The following KIF26B variants were observed in gnomAD, a reference collection of about 807,000 sequenced individuals.
The protein encoded by KIF26B is kinesin-like protein KIF26B.
Under a neutral mutation model 151.2 loss-of-function variants are expected in KIF26B, and 63 were observed. The ratio of observed to expected loss-of-function variants is 0.42; its 90% confidence interval spans 0.34 to 0.51. The LOEUF (loss-of-function observed/expected upper bound fraction) is 0.51. Among genes scored for constraint, KIF26B ranks in the 20% least tolerant of loss-of-function variants. The pLI, the probability that KIF26B is intolerant of heterozygous loss-of-function variation, is 0.07. For synonymous variants in KIF26B, 1,357 were observed against 1,262.1 expected (o/e 1.08, Z -1.59); for missense variants, 2,813 against 2,913.6 (o/e 0.97, Z 0.79).
intron 5 of KIF26B, among the ~76,000 whole-genome samples, chr1:245,585,019 T>C (rs1295881326): frequency 6.6e-6 from 1 of 152,226 alleles, no homozygotes; most frequent in African/African-American, 2.4e-5. Context: ...TTGCAATAGA[T>C]TTTGAGGGAA....
chr1:245,663,386 GATC>G (rs58671150), intron 10 of KIF26B, among the ~76,000 whole-genome samples: 89,527 of 149,154 alleles, frequency 0.6, 26,739 homozygotes, highest in Middle Eastern at 0.64. Flanking sequence ...TGTCATTTGT[GATC>G]ATTTTTTTTT....
Position 245,358,800 on chromosome 1 carries a change from A to T in KIF26B, c.466-8034A>T, listed in dbSNP as rs1276275971. Reference sequence around the variant, plus strand: ...AGTGCATTCTAGTATAATCTTGATTAGTGCTTACATGCGTATAGTTCAGCA... The same window carrying T: ...AGTGCATTCTAGTATAATCTTGATTTGTGCTTACATGCGTATAGTTCAGCA... On this transcript the variant is annotated intron_variant, in intron 2 of 14. Coordinates refer to ENST00000407071, the MANE Select transcript of KIF26B (RefSeq NM_018012.4). This position sits in a 1 kb window ranked among gnomAD's most constrained non-coding sequence, Gnocchi z 4.1. 6.6e-6 allele frequency among the ~76,000 whole-genome samples: 1 copy of T among 152,220 alleles called. No individual in the cohort carries two copies. Among genetic ancestry groups the T allele is most frequent in the Non-Finnish European group, 1.5e-5 (1 of 68,048 alleles).
At chr1:245,450,393 A>G (rs945477922) in intron 4 of KIF26B, among the ~76,000 whole-genome samples, 4 of 152,230 alleles carry the variant, frequency 2.6e-5, no homozygotes, top group African/African-American at 4.8e-5. Flanking sequence ...AGGTGGAATG[A>G]ATCATTTCCA....
At chr1:245,533,585 G>A (rs1414809776) in intron 4 of KIF26B, among the ~76,000 whole-genome samples, 1 of 152,022 alleles carries the variant, frequency 6.6e-6, no homozygotes, top group Non-Finnish European at 1.5e-5. Context: ...TCCTGTCTGT[G>A]CCCCAAGGAA....
At chr1:245,420,431 G>A (rs967249899) in intron 4 of KIF26B, among the ~76,000 whole-genome samples, 6 of 152,188 alleles carry the variant, frequency 3.9e-5, no homozygotes, top group East Asian at 1.9e-4. Context: ...TGAGGAAACC[G>A]AGGACCAGGA....
At chr1:245,551,844 C>A (rs572611660) in intron 5 of KIF26B, among the ~76,000 whole-genome samples, 1 of 152,232 alleles carries the variant, frequency 6.6e-6, no homozygotes, top group Non-Finnish European at 1.5e-5. Flanking sequence ...ACCTCCCCAA[C>A]CCCAGGTTAT....
At chr1:245,292,567 C>A (rs998881154) in intron 2 of KIF26B, among the ~76,000 whole-genome samples, 22 of 152,278 alleles carry the variant, frequency 1.4e-4, no homozygotes, top group African/African-American at 4.3e-4. Context: ...TACTATTTTA[C>A]CTTTTCATTG....
chr1:245,679,457 G>GTTTTTTTTTTTTTTTTTTT (rs35663208), intron 10 of KIF26B, among the ~76,000 whole-genome samples: 3 of 59,174 alleles, frequency 5.1e-5, no homozygotes, highest in African/African-American at 1.2e-4. Context: ...TTTTGTGTGT[G>GTTTTTTTTTTTTTTTTTTT]TTTTTTTTTT....
intron 4 of KIF26B, among the ~76,000 whole-genome samples, chr1:245,443,242 C>A (rs984139258): frequency 2.0e-5 from 3 of 151,034 alleles, no homozygotes; most frequent in African/African-American, 7.3e-5. Flanking sequence ...GGTCATCTCC[C>A]TCACTGTTCA....
intron 3 of KIF26B, among the ~76,000 whole-genome samples, chr1:245,406,163 G>A (rs1674130947): frequency 6.6e-6 from 1 of 152,096 alleles, no homozygotes; most frequent in Admixed American, 6.5e-5. Context: ...CATCCTATGT[G>A]CAGTCTCACA....
At chr1:245,282,772 C>T (rs7518921) in intron 2 of KIF26B, 1,858 of 171,904 alleles carry the variant, frequency 0.011, 38 homozygotes, top group African/African-American at 0.042. Flanking sequence ...CTTCTTCCTT[C>T]TCCCTTCTTG....
Position 245,367,164 on chromosome 1 carries a change from A to G in KIF26B, c.796A>G (p.Ser266Gly), listed in dbSNP as rs370730080. ...NYTGFANKHG[S>G]KPSSLGVSNG... The stretch of plus-strand genomic sequence containing the variant: ...CACAGGCTTCGCCAACAAGCACGGC[A>G]GCAAACCCAGCAGCCTTGGGGTCAG... The change falls in exon 3 of 15, where the codon AGC becomes GGC. Residue 266 changes from serine (S) to glycine (G), a missense_variant. Around this residue, in one of 3 missense-constraint regions of KIF26B, gnomAD observed 676 missense variants for 688.1 expected, o/e 0.98. Transcript: ENST00000407071. The surrounding 1 kb of genome is among the most constrained non-coding windows in gnomAD (Gnocchi z 4.2). 1.2e-6 allele frequency: 2 copies of G among 1,605,686 alleles called. No individual in the cohort carries two copies. Among genetic ancestry groups the G allele is most frequent in the Non-Finnish European group, 1.7e-6 (2 of 1,176,212 alleles).
intron 2 of KIF26B, among the ~76,000 whole-genome samples, chr1:245,283,965 C>T (rs763338577): frequency 3.3e-5 from 5 of 152,170 alleles, no homozygotes; most frequent in African/African-American, 9.6e-5. Flanking sequence ...GGATTACAGG[C>T]GTGAGCCGCT....
intron 12 of KIF26B, among the ~76,000 whole-genome samples, chr1:245,696,313 G>A (rs1572212326): frequency 6.6e-6 from 1 of 152,222 alleles, no homozygotes; most frequent in Non-Finnish European, 1.5e-5. Flanking sequence ...AGGCCTGCAT[G>A]GCAATGAACT....
At chr1:245,174,002 C>T (rs888435929) in intron 2 of KIF26B, among the ~76,000 whole-genome samples, 2 of 152,174 alleles carry the variant, frequency 1.3e-5, no homozygotes, top group South Asian at 2.1e-4. Context: ...CACATTGAGC[C>T]GGCAAATCAG....
At chr1:245,423,409 C>G (rs1277773321) in intron 4 of KIF26B, among the ~76,000 whole-genome samples, 2 of 152,014 alleles carry the variant, frequency 1.3e-5, no homozygotes, top group South Asian at 4.1e-4. Context: ...ATCCTCGTTT[C>G]CTCTCACTTG....
chr1:245,419,089 C>A (rs974664611), intron 3 of KIF26B, among the ~76,000 whole-genome samples: 1 of 152,174 alleles, frequency 6.6e-6, no homozygotes, highest in Non-Finnish European at 1.5e-5. Flanking sequence ...CCACAGCAAA[C>A]CACCACCCCC....
chr1:245,334,061 A>T (rs1055452140), intron 2 of KIF26B, among the ~76,000 whole-genome samples: 3 of 151,998 alleles, frequency 2.0e-5, no homozygotes, highest in African/African-American at 4.8e-5. Flanking sequence ...TGGGCGATTT[A>T]TTTGGGGCTT....
intron 4 of KIF26B, among the ~76,000 whole-genome samples, chr1:245,476,160 G>A (rs1205967007): frequency 6.6e-6 from 1 of 151,788 alleles, no homozygotes; most frequent in African/African-American, 2.4e-5. Context: ...GATACAAAAG[G>A]CCACATATAG....
Sources: gnomAD v4.1 joint callset for allele counts (sites outside exome capture counted in the v4.1 genomes callset) on GRCh38, gnomAD v4.1.1 for gene constraint, gnomAD v4.1.1 regional missense constraint, Gnocchi (gnomAD v3.1) non-coding constraint, MANE v1.5 for transcripts, NCBI Gene and HGNC (gene_info 2026-07-23, HGNC 2026-07-21) for gene names.